The following GRIK1 variants were observed in gnomAD, a reference collection of about 807,000 sequenced individuals.
GRIK1 encodes the protein glutamate ionotropic receptor kainate type subunit 1.
GRIK1 carries 69 observed loss-of-function variants against 105.7 expected under a neutral mutation model. The observed-to-expected ratio is 0.65, with a 90% CI of 0.54 to 0.80. GRIK1 has a LOEUF of 0.80. Among genes scored for constraint, GRIK1 ranks in the 30% least tolerant of loss-of-function variants. GRIK1 has a pLI of 0.00. For missense variants in GRIK1, 1,109 were observed against 1,167.3 expected (o/e 0.95, Z 0.73); for synonymous variants, 438 against 431.3 (o/e 1.02, Z -0.19).
intron 1 of GRIK1, among the ~76,000 whole-genome samples, chr21:29,922,805 T>G (rs1432561482): frequency 6.6e-6 from 1 of 152,200 alleles, no homozygotes; most frequent in Admixed American, 6.5e-5. Context: ...TGCTTCTAAA[T>G]AAGTTACTTT....
chr21:29,740,505 C>T (rs558687633), intron 1 of GRIK1, among the ~76,000 whole-genome samples: 1 of 152,234 alleles, frequency 6.6e-6, no homozygotes, highest in South Asian at 2.1e-4. Context: ...CGTGAGCCAT[C>T]GTGCCTGGCC....
intron 1 of GRIK1, among the ~76,000 whole-genome samples, chr21:29,828,592 C>T (rs934649017): frequency 1.3e-5 from 2 of 152,018 alleles, no homozygotes; most frequent in Non-Finnish European, 1.5e-5. Context: ...TGCTTGACCT[C>T]CTGGGCTCAA....
intron 1 of GRIK1, among the ~76,000 whole-genome samples, chr21:29,821,428 A>T (rs1049736682): frequency 3.3e-5 from 5 of 152,146 alleles, no homozygotes; most frequent in East Asian, 3.9e-4. Flanking sequence ...CAGCATCACC[A>T]GTGGCACTCT....
chr21:29,794,050 AG>A (rs1729957758), intron 1 of GRIK1, among the ~76,000 whole-genome samples: 1 of 152,168 alleles, frequency 6.6e-6, no homozygotes, highest in Non-Finnish European at 1.5e-5. Flanking sequence ...TGAGAATAAA[AG>A]GACTGTGTTT....
chr21:29,666,560 C>G (rs1454075846), intron 4 of GRIK1, among the ~76,000 whole-genome samples: 5 of 152,044 alleles, frequency 3.3e-5, no homozygotes, highest in Admixed American at 3.3e-4. Context: ...GGTTTTTATT[C>G]TTGTTGTTGC....
At chr21:29,853,136 T>G (rs2068359456) in intron 1 of GRIK1, among the ~76,000 whole-genome samples, 1 of 152,258 alleles carries the variant, frequency 6.6e-6, no homozygotes, top group Non-Finnish European at 1.5e-5. Context: ...CAAAATATTT[T>G]ATGTTATCTT....
intron 1 of GRIK1, among the ~76,000 whole-genome samples, chr21:29,698,077 C>T (rs1018232757): frequency 1.4e-4 from 21 of 150,382 alleles, no homozygotes; most frequent in Non-Finnish European, 1.8e-4. Context: ...TCCTCCCTTC[C>T]TCCCTTTTTA....
chr21:29,582,007 G>A (rs913047690), intron 12 of GRIK1, among the ~76,000 whole-genome samples: 4 of 152,198 alleles, frequency 2.6e-5, no homozygotes, highest in African/African-American at 9.7e-5. Context: ...CCTTCAAGGG[G>A]TTTGTATGGA....
chr21:29,690,294 T>C (rs1466294099), intron 2 of GRIK1, among the ~76,000 whole-genome samples: 2 of 152,208 alleles, frequency 1.3e-5, no homozygotes, highest in Non-Finnish European at 2.9e-5. Flanking sequence ...TTGCTTGGTA[T>C]GGTGTTACCT....
rs61391874 is a variant in GRIK1 at position 29,627,078 on chromosome 21, A to G, written c.1098+15748T>C. The stretch of plus-strand genomic sequence containing the variant: ...ACCCTCTGGGTTCCTGTAGAGGACT[A>G]CTTGTTACCTCTGTAGCATAGTTTA... On this transcript the variant is annotated intron_variant, in intron 7 of 17. Transcript: ENST00000327783. Among the ~76,000 whole-genome samples, 1,407 of 152,342 alleles carry G rather than the reference A, an allele frequency of 9.2e-3. 25 individuals are homozygous for G. The highest frequency in any genetic ancestry group is 0.031 in the African/African-American group (1,301 of 41,572).
At chr21:29,596,978 A>G (rs2061427371) in intron 8 of GRIK1, among the ~76,000 whole-genome samples, 1 of 152,168 alleles carries the variant, frequency 6.6e-6, no homozygotes, top group African/African-American at 2.4e-5. Flanking sequence ...ACAAACACAC[A>G]CACACACAGA....
At chr21:29,898,342 T>C (rs1225911643) in intron 1 of GRIK1, among the ~76,000 whole-genome samples, 4 of 152,116 alleles carry the variant, frequency 2.6e-5, no homozygotes, top group African/African-American at 9.7e-5. Flanking sequence ...AGTCCCCTCC[T>C]AACATTGTGG....
intron 6 of GRIK1, among the ~76,000 whole-genome samples, chr21:29,647,454 T>C (rs573755869): frequency 6.6e-6 from 1 of 152,246 alleles, no homozygotes; most frequent in South Asian, 2.1e-4. Flanking sequence ...ATGTACAAAG[T>C]GGGAACTCTA....
At chr21:29,785,464 T>A (rs2066232333) in intron 1 of GRIK1, among the ~76,000 whole-genome samples, 1 of 148,658 alleles carries the variant, frequency 6.7e-6, no homozygotes, top group Admixed American at 6.9e-5. Flanking sequence ...CTCGGGAGGT[T>A]GAGGCAGGAG....
At chr21:29,560,310 T>TCTTTCTTTC (rs2090369627) in intron 15 of GRIK1, among the ~76,000 whole-genome samples, 1 of 116,502 alleles carries the variant, frequency 8.6e-6, no homozygotes, top group Non-Finnish European at 1.7e-5. Context: ...TTTCTTTCTT[T>TCTTTCTTTC]CTTTCTTTCT....
chr21:29,898,796 A>G (rs1247818123), intron 1 of GRIK1, among the ~76,000 whole-genome samples: 2 of 152,208 alleles, frequency 1.3e-5, no homozygotes, highest in East Asian at 3.8e-4. Flanking sequence ...AGGTATTTTG[A>G]GTACACAAAT....
chr21:29,897,713 C>T (rs914525643), intron 1 of GRIK1, among the ~76,000 whole-genome samples: 1 of 152,272 alleles, frequency 6.6e-6, no homozygotes, highest in African/African-American at 2.4e-5. Context: ...TGGGTTCTGC[C>T]ACAGGCAGCC....
chr21:29,749,828 C>T (rs903844340), intron 1 of GRIK1, among the ~76,000 whole-genome samples: 4 of 152,142 alleles, frequency 2.6e-5, no homozygotes, highest in African/African-American at 9.7e-5. Flanking sequence ...CTCTGAGTCT[C>T]AATTTCTTAT....
Position 29,704,814 on chromosome 21 carries a change from C to T in GRIK1, c.119-10751G>A, listed in dbSNP as rs141770590. 2.9e-3 allele frequency among the ~76,000 whole-genome samples: 446 copies of T among 152,314 alleles called. 6 individuals are homozygous for T. The highest frequency in any genetic ancestry group is 0.01 in the African/African-American group (426 of 41,570). ...CAAAGCATACTTTTCATCAGGCTGC[C>T]AGCCCCTTAACATCATGAAGGTATG... On this transcript the variant is annotated intron_variant, in intron 1 of 17. Coordinates refer to ENST00000327783, the MANE Select transcript of GRIK1 (RefSeq NM_001330994.2).
Sources: gnomAD v4.1 joint callset for allele counts (sites outside exome capture counted in the v4.1 genomes callset) on GRCh38, gnomAD v4.1.1 for gene constraint, MANE v1.5 for transcripts, NCBI Gene and HGNC (gene_info 2026-07-23, HGNC 2026-07-21) for gene names.